CCDC180: variants seen among roughly 807,000 people sequenced by gnomAD.
The protein encoded by CCDC180 is coiled-coil domain containing 180, also known as coiled-coil domain-containing protein 180.
A neutral mutation model predicts 209.2 loss-of-function variants in CCDC180; 154 were observed. The ratio of observed to expected loss-of-function variants is 0.74; its 90% CI spans 0.65 to 0.84. The LOEUF (loss-of-function observed/expected upper bound fraction) is 0.84. Among genes scored for constraint, CCDC180 ranks in the 40% least tolerant of loss-of-function variants. The pLI is 0.00. For synonymous variants in CCDC180, 778 were observed against 749.1 expected, an observed-to-expected ratio of 1.04 and a Z score of -0.63; for missense variants, 1,874 against 1,997.3, an observed-to-expected ratio of 0.94 and a Z score of 1.18.
In CCDC180 at chr9:97,318,484, T is replaced by C; in HGVS notation, c.981T>C (p.Ser327=). 3 of 1,613,484 alleles carry C rather than the reference T, an allele frequency of 1.9e-6. No individual in the cohort carries two copies. The highest frequency in any genetic ancestry group is 2.5e-6 in the Non-Finnish European group (3 of 1,179,834). The change falls in exon 10 of 37, where the codon AGT becomes AGC. Residue 327 remains serine, a synonymous_variant. Coordinates refer to ENST00000529487, the MANE Select transcript of CCDC180 (RefSeq NM_020893.6). Reference sequence around the variant, plus strand: ...CCAGTGAGTTCATGGCCAGTGAGAGTATCCATACTCCCCCGGCTGTGACGA... The same window carrying C: ...CCAGTGAGTTCATGGCCAGTGAGAGCATCCATACTCCCCCGGCTGTGACGA... ...QSFSEFMASE[S]IHTPPAVTKE... is the part of the protein sequence containing the mutation.
At position 97,362,364 on chromosome 9, in the gene CCDC180, C is replaced by T. The variant is rs766350782; in HGVS notation, c.3825C>T (p.Gly1275=). ...GTCCTGGGCCCTCGTCACCCAAAGG[C>T]TTCAAGCGACATCGGTGCCAGCCAG... The part of the protein sequence containing the change: ...CSCPGPSSPK[G]FKRHRCQPEN... The change falls in exon 28 of 37, where the codon GGC becomes GGT. Residue 1275 remains glycine (G), a synonymous_variant. Transcript: ENST00000529487. 16 of 1,614,020 alleles carry T rather than the reference C, an allele frequency of 9.9e-6. No homozygotes were observed. The East Asian group carries it at 1.3e-4, about 13-fold the overall frequency.
intron 13 of CCDC180, among the ~76,000 whole-genome samples, chr9:97,324,361 A>G (rs1207088816): frequency 6.6e-6 from 1 of 152,218 alleles, no homozygotes; most frequent in African/African-American, 2.4e-5. Flanking sequence ...AACAAATGGC[A>G]TGGCTGTGTT....
chr9:97,354,901 G>A lies in CCDC180; in HGVS notation c.3157G>A (p.Val1053Ile). The stretch of plus-strand genomic sequence containing the variant: ...TTATCTCTCTGTACAGGCCAATGAT[G>A]TCATCAACAAGTTTGAAAGCAAATT... Reference protein sequence around the residue: ...ENEYLDQANDVINKFESKFHN... With the variant: ...ENEYLDQANDIINKFESKFHN... Residue 1053 changes from valine to isoleucine, a missense_variant, in exon 24 of 37, where the codon GTC (valine) becomes ATC (isoleucine). By Grantham distance (29) the Val-to-Ile change is conservative. Coordinates refer to ENST00000529487, the MANE Select transcript of CCDC180 (RefSeq NM_020893.6). The A allele has an allele frequency of 6.2e-7, 1 of 1,612,420 alleles. No individual in the cohort carries two copies. Among genetic ancestry groups the A allele is most frequent in the Non-Finnish European group, 8.5e-7 (1 of 1,178,370 alleles).
rs1826074601 is a variant in CCDC180 at position 97,341,362 on chromosome 9, G to A, written c.2275-1978G>A. Among the ~76,000 whole-genome samples, 4 of 152,118 alleles carry A rather than the reference G, an allele frequency of 2.6e-5. No homozygotes were observed. The South Asian group carries it at 8.3e-4, about 32-fold the overall frequency. On this transcript the variant is annotated intron_variant, in intron 18 of 36. Transcript: ENST00000529487. The stretch of plus-strand genomic sequence containing the variant: ...CGGGGAGAGACCCACCGACCCTGTG[G>A]GGCTGGACCCTACAGTTGATGTTGA...
At chr9:97,339,749 G>A (rs1396401400) in intron 18 of CCDC180, among the ~76,000 whole-genome samples, 1 of 152,238 alleles carries the variant, frequency 6.6e-6, no homozygotes, top group Non-Finnish European at 1.5e-5. Flanking sequence ...ATCCTGAAGA[G>A]TGTTTTCCAG....
Position 97,326,677 on chromosome 9 carries a change from A to C in CCDC180, c.1661+8A>C. On this transcript the variant is annotated splice_region_variant and intron_variant, in intron 15 of 36. Coordinates refer to ENST00000529487, the MANE Select transcript of CCDC180 (RefSeq NM_020893.6). ...GAAGAACATGAAATCCAGGTAGGCC[A>C]ACCAGACTCCAGAAGGCAGGAAGGG... 2 of 1,547,744 alleles carry C rather than the reference A, an allele frequency of 1.3e-6. No homozygotes were observed.
chr9:97,322,740 G>T lies in CCDC180; in HGVS notation c.1160-93G>T, dbSNP rs1443150484. On this transcript the variant is annotated intron_variant, in intron 11 of 36. Coordinates refer to ENST00000529487, the MANE Select transcript of CCDC180 (RefSeq NM_020893.6). ...GATCTTCACCTAAATAAATGTTGCTGTGGAGGCATTTTGCTCCTTTGCAAA... is the reference window on the plus strand; with the variant it reads ...GATCTTCACCTAAATAAATGTTGCTTTGGAGGCATTTTGCTCCTTTGCAAA... The T allele has an allele frequency of 1.2e-5, 12 of 1,032,712 alleles. No individual in the cohort carries two copies. In the Admixed American group the frequency reaches 2.1e-4, roughly 18 times the overall value. 64.0% of individuals were successfully genotyped at this position (1,032,712 alleles called of 1,614,324 possible).
At chr9:97,362,492 CA>C in intron 28 of CCDC180, 51 bp downstream of exon 28, 1 of 1,588,152 alleles carries the variant, frequency 6.3e-7, no homozygotes, top group Non-Finnish European at 8.6e-7. Context: ...TCCCCCCACA[CA>C]AAGGCAGGAG....
At chr9:97,324,665 A>T (rs940473814) in intron 13 of CCDC180, among the ~76,000 whole-genome samples, 1 of 152,168 alleles carries the variant, frequency 6.6e-6, no homozygotes, top group Non-Finnish European at 1.5e-5. Context: ...AACTCCACAG[A>T]AGGAAAGATG....
intron 24 of CCDC180, among the ~76,000 whole-genome samples, chr9:97,355,213 GGC>G (rs1459559384): frequency 1.3e-5 from 2 of 151,984 alleles, no homozygotes; most frequent in Non-Finnish European, 2.9e-5. Flanking sequence ...GGAGTGCAGT[GGC>G]GTGAACACAG....
intron 8 of CCDC180, among the ~76,000 whole-genome samples, chr9:97,316,407 G>A (rs1390706274): frequency 2.0e-5 from 3 of 152,222 alleles, no homozygotes; most frequent in Non-Finnish European, 4.4e-5. Flanking sequence ...GAGCTTGGCA[G>A]GGTTCTCACC....
chr9:97,367,407 C>T (rs1388022370), intron 31 of CCDC180, among the ~76,000 whole-genome samples: 2 of 151,968 alleles, frequency 1.3e-5, no homozygotes, highest in East Asian at 3.9e-4. Flanking sequence ...CCAGCCCCAC[C>T]ACTTCCCAGC....
At chr9:97,370,508 T>G in intron 32 of CCDC180, 133 bp from the exon 33 acceptor site, 1 of 1,006,796 alleles carries the variant, frequency 9.9e-7, no homozygotes, top group Non-Finnish European at 1.5e-6. Context: ...GCCACTCTTC[T>G]GCCCACCCAT....
Position 97,364,035 on chromosome 9 carries a change from C to CACCT in CCDC180, c.3903-15_3903-12dup, listed in dbSNP as rs556615532. On this transcript the variant is annotated splice_polypyrimidine_tract_variant and intron_variant, in intron 28 of 36. Coordinates refer to ENST00000529487, the MANE Select transcript of CCDC180 (RefSeq NM_020893.6). Reference sequence around the variant, plus strand: ...GTCCACAGCCTCCAGACCACCCACCCACCTTTGTCCCACAGCTTCACACCG... The same window carrying CACCT: ...GTCCACAGCCTCCAGACCACCCACCCACCTACCTTTGTCCCACAGCTTCACACCG... The CACCT allele has an allele frequency of 6.8e-6, 11 of 1,613,292 alleles. No individual in the cohort carries two copies. Among genetic ancestry groups the CACCT allele is most frequent in the Admixed American group, 1.7e-5 (1 of 59,952 alleles).
intron 18 of CCDC180, among the ~76,000 whole-genome samples, chr9:97,332,355 T>G (rs983535959): frequency 2.0e-5 from 3 of 152,224 alleles, no homozygotes; most frequent in African/African-American, 7.2e-5. Context: ...CTATTCAGGC[T>G]CTTTTTTTAT....
intron 19 of CCDC180, chr9:97,345,467 T>C (rs911153248): frequency 1.4e-5 from 5 of 354,642 alleles, no homozygotes; most frequent in Non-Finnish European, 2.1e-5. Context: ...TATGATATTG[T>C]ATACCTTTAA....
At chr9:97,355,160 T>G (rs1381298774) in intron 24 of CCDC180, 152 bp downstream of exon 24, 4 of 609,380 alleles carry the variant, frequency 6.6e-6, no homozygotes, top group Non-Finnish European at 1.2e-5. Context: ...TTTTTTCTTT[T>G]TTTCTTTTTT....
At chr9:97,342,480 A>G (rs1365433460) in intron 18 of CCDC180, among the ~76,000 whole-genome samples, 1 of 152,148 alleles carries the variant, frequency 6.6e-6, no homozygotes, top group Non-Finnish European at 1.5e-5. Context: ...GGGTTTCACC[A>G]TGTTGCCCAG....
intron 2 of CCDC180, 89 bp from the exon 3 acceptor site, chr9:97,309,325 G>A: frequency 3.8e-6 from 5 of 1,329,416 alleles, no homozygotes; most frequent in Non-Finnish European, 5.2e-6. Flanking sequence ...CTCTCTGGAT[G>A]TCTTTCTAGA....
Sources: allele counts gnomAD v4.1 joint callset (sites outside exome capture counted in the v4.1 genomes callset), GRCh38; gene constraint gnomAD v4.1.1; transcripts MANE v1.5; gene names NCBI Gene and HGNC (gene_info 2026-07-23, HGNC 2026-07-21).